The following IL19 variants were observed in gnomAD, a reference collection of about 807,000 sequenced individuals.
The protein encoded by IL19 is interleukin 19, also known as interleukin-19.
A neutral mutation model predicts 19.5 loss-of-function variants in IL19; 15 were observed. The ratio of observed to expected loss-of-function variants is 0.77; its 90% CI spans 0.52 to 1.19. IL19 has a LOEUF of 1.19. IL19 is among the 50% of genes most tolerant of loss of function. The probability of loss-of-function intolerance (pLI) is 0.00; values close to 1 mark genes in which losing one functional copy is unlikely to be tolerated. For synonymous variants in IL19, 78 were observed against 78.3 expected (o/e 1.00, Z 0.02); for missense variants, 199 against 213.1 (o/e 0.93, Z 0.41).
chr1:206,808,157 C>G (rs1211765364), intron 2 of IL19, among the ~76,000 whole-genome samples: 1 of 152,120 alleles, frequency 6.6e-6, no homozygotes, highest in Non-Finnish European at 1.5e-5. Flanking sequence ...ATGGCGAAAC[C>G]CTGTCTCTAC....
chr1:206,775,215 T>A lies in IL19; in HGVS notation c.-149+4137T>A, dbSNP rs544279041. On this transcript the variant is annotated intron_variant, in intron 1 of 6. Transcript: ENST00000659997. The stretch of plus-strand genomic sequence containing the variant: ...GGCACCACGCCCGGCTAAGTTTTTT[T>A]ATTTTTTTTTGTATTTTTATTAGAG... 4.8e-3 allele frequency among the ~76,000 whole-genome samples: 735 copies of A among 151,918 alleles called. 4 individuals are homozygous for A. The highest frequency in any genetic ancestry group is 8.5e-3 in the Non-Finnish European group (580 of 67,916).
At chr1:206,792,441 A>G (rs1243320434) in intron 1 of IL19, among the ~76,000 whole-genome samples, 1 of 152,056 alleles carries the variant, frequency 6.6e-6, no homozygotes, top group Non-Finnish European at 1.5e-5. Context: ...GGTTTAGTAC[A>G]TTCACAATCC....
At chr1:206,771,102 G>A (rs1257972727) in intron 1 of IL19, 24 bp downstream of exon 1, 2 of 1,609,126 alleles carry the variant, frequency 1.2e-6, no homozygotes, top group Non-Finnish European at 1.7e-6. Flanking sequence ...TGGCGGAGGT[G>A]GCTGGGAGGA....
At chr1:206,791,955 G>A (rs1247098700) in intron 1 of IL19, among the ~76,000 whole-genome samples, 1 of 152,166 alleles carries the variant, frequency 6.6e-6, no homozygotes, top group Non-Finnish European at 1.5e-5. Flanking sequence ...GCATTTAACT[G>A]TGGGTGGGGA....
chr1:206,836,847 C>T (rs764560022), intron 3 of IL19, 41 bp downstream of exon 3: 104 of 1,611,644 alleles, frequency 6.5e-5, no homozygotes, highest in Non-Finnish European at 8.7e-5. Context: ...GACGGAGTAT[C>T]CCTCCCCTTA....
At chr1:206,807,646 C>T (rs1675882430) in intron 2 of IL19, among the ~76,000 whole-genome samples, 1 of 152,174 alleles carries the variant, frequency 6.6e-6, no homozygotes. Context: ...GACCACTAAT[C>T]ACAAATTGTA....
intron 1 of IL19, among the ~76,000 whole-genome samples, chr1:206,777,914 G>A (rs1487328222): frequency 6.6e-6 from 1 of 152,222 alleles, no homozygotes; most frequent in Non-Finnish European, 1.5e-5. Flanking sequence ...AAGCTGTGCT[G>A]CAACAGACCC....
chr1:206,821,882 G>C (rs1676299200), intron 2 of IL19, among the ~76,000 whole-genome samples: 2 of 152,228 alleles, frequency 1.3e-5, no homozygotes, highest in Admixed American at 6.5e-5. Context: ...CTTTGGGAAA[G>C]GGTTTGGTCT....
chr1:206,826,885 T>C (rs907578834), intron 2 of IL19, among the ~76,000 whole-genome samples: 5 of 152,120 alleles, frequency 3.3e-5, no homozygotes, highest in African/African-American at 1.2e-4. Flanking sequence ...GGACAAAGAT[T>C]CTGTGAATGG....
intron 2 of IL19, among the ~76,000 whole-genome samples, chr1:206,817,534 A>G (rs1676188644): frequency 6.6e-6 from 1 of 152,192 alleles, no homozygotes; most frequent in Admixed American, 6.5e-5. Flanking sequence ...ATGTCTACCT[A>G]TTTATCTAGA....
intron 1 of IL19, among the ~76,000 whole-genome samples, chr1:206,796,692 C>T (rs376902646): frequency 6.6e-6 from 1 of 152,162 alleles, no homozygotes; most frequent in South Asian, 2.1e-4. Context: ...AGCCTAGGAG[C>T]AATAGGCCTT....
intron 1 of IL19, among the ~76,000 whole-genome samples, chr1:206,775,772 G>A (rs1674977426): frequency 6.6e-6 from 1 of 152,224 alleles, no homozygotes; most frequent in African/African-American, 2.4e-5. Flanking sequence ...ACTCACATGT[G>A]AGGAGATTTG....
chr1:206,774,950 T>C (rs928122673), intron 1 of IL19, among the ~76,000 whole-genome samples: 2 of 152,036 alleles, frequency 1.3e-5, no homozygotes, highest in African/African-American at 2.4e-5. Flanking sequence ...CACACACACA[T>C]ACAAAATGTC....
intron 2 of IL19, among the ~76,000 whole-genome samples, chr1:206,814,587 G>T (rs149450300): frequency 2.0e-5 from 3 of 151,006 alleles, no homozygotes; most frequent in African/African-American, 7.3e-5. Flanking sequence ...CCAGCTACTC[G>T]AGGGGCTGAG....
chr1:206,837,141 A>C, intron 4 of IL19, 118 bp downstream of exon 4: 2 of 779,752 alleles, frequency 2.6e-6, no homozygotes, highest in Non-Finnish European at 4.2e-6. Flanking sequence ...TGTACTCTAA[A>C]TGCACCAGGC....
At chr1:206,833,815 A>C (rs939437571) in intron 2 of IL19, 3 of 985,558 alleles carry the variant, frequency 3.0e-6, no homozygotes, top group Non-Finnish European at 3.6e-6. Context: ...TTGCTTTATG[A>C]GGGGAAAAAG....
At chr1:206,785,552 T>C (rs1675251656) in intron 1 of IL19, among the ~76,000 whole-genome samples, 1 of 152,130 alleles carries the variant, frequency 6.6e-6, no homozygotes, top group African/African-American at 2.4e-5. Flanking sequence ...GAGCATGTGG[T>C]TAAGCAGAGC....
At position 206,842,925 on chromosome 1, in the gene IL19, G is replaced by A. The variant is rs937087294; in HGVS notation, c.*303G>A. The A allele has an allele frequency of 8.3e-6, 2 of 242,126 alleles. No homozygotes were observed. Among genetic ancestry groups the A allele is most frequent in the African/African-American group, 2.2e-5 (1 of 44,592 alleles). The allele number at this position is 242,126 out of a possible 1,614,324, so 15.0% of individuals were successfully genotyped here. A position where few individuals can be genotyped will look rare whatever the true frequency, so the allele number is the denominator to read the frequency against. On this transcript the variant is annotated 3_prime_UTR_variant, in exon 7 of 7. Transcript: ENST00000659997. ...TGTGATGTGAGCCAAGTGATATCCT[G>A]TAGTACACATTGTACTGAGTGGTTT...
intron 2 of IL19, among the ~76,000 whole-genome samples, chr1:206,812,883 C>A (rs1172096238): frequency 1.3e-5 from 2 of 152,108 alleles, no homozygotes; most frequent in African/African-American, 4.8e-5. Context: ...GTTAACTTTG[C>A]AATTTGGTTT....
Sources: gnomAD v4.1 joint callset for allele counts (sites outside exome capture counted in the v4.1 genomes callset) on GRCh38, gnomAD v4.1.1 for gene constraint, MANE v1.5 for transcripts, NCBI Gene and HGNC (gene_info 2026-07-23, HGNC 2026-07-21) for gene names.